Variants in YBEY observed in about 807,000 individuals in gnomAD.
The protein encoded by YBEY is ybeY metalloendoribonuclease, also known as endoribonuclease YbeY.
YBEY carries 15 observed loss-of-function variants against 13.5 expected under a neutral mutation model. The observed-to-expected ratio is 1.11, with a 90% CI of 0.75 to 1.72. YBEY has a LOEUF of 1.72. Ranked by LOEUF, YBEY falls within the 40% of genes most tolerant of loss-of-function variation. The pLI is 0.00. For missense variants in YBEY, 244 were observed against 208.4 expected (o/e 1.17, Z -1.05); for synonymous variants, 101 against 83.1 (o/e 1.21, Z -1.17).
At chr21:46,295,767 C>G (rs1030044470) in intron 3 of YBEY, among the ~76,000 whole-genome samples, 7 of 152,118 alleles carry the variant, frequency 4.6e-5, no homozygotes, top group Non-Finnish European at 7.4e-5. Context: ...GTGCGCTTGC[C>G]TCGTCCCTCT....
intron 3 of YBEY, chr21:46,292,212 T>C (rs1174642280): frequency 3.3e-5 from 5 of 152,280 alleles, no homozygotes; most frequent in South Asian, 4.1e-4. Flanking sequence ...GGTTGTACTA[T>C]TGACGTTATC....
the YBEY span, among the ~76,000 whole-genome samples, chr21:46,304,560 C>T: frequency 1.3e-5 from 2 of 151,780 alleles, no homozygotes; most frequent in Non-Finnish European, 2.9e-5. Flanking sequence ...GCAAATTAAA[C>T]CAGAATGAAC....
the YBEY span, among the ~76,000 whole-genome samples, chr21:46,311,975 C>A: frequency 7.7e-6 from 1 of 129,890 alleles, no homozygotes; most frequent in Non-Finnish European, 1.6e-5. Context: ...ACCCACCCAC[C>A]CATCCATCCA....
chr21:46,303,718 TA>T, the YBEY span, among the ~76,000 whole-genome samples: 2 of 19,512 alleles, frequency 1.0e-4, 1 homozygote, highest in Admixed American at 1.2e-3. Flanking sequence ...AATATATATA[TA>T]TATATATATA....
downstream of YBEY, chr21:46,300,540 G>A: frequency 1.5e-6 from 1 of 657,858 alleles, no homozygotes; most frequent in Non-Finnish European, 2.0e-6. Context: ...AGAGCACAGA[G>A]TCTCTGGAAT....
At chr21:46,286,844 G>A in intron 1 of YBEY, 26 bp from the exon 2 acceptor site, 1 of 1,410,480 alleles carries the variant, frequency 7.1e-7, no homozygotes. Flanking sequence ...TGTACTGATT[G>A]GTCTTCTCTT....
At chr21:46,305,327 C>CTT in the YBEY span, among the ~76,000 whole-genome samples, 534 of 109,148 alleles carry the variant, frequency 4.9e-3, 11 homozygotes, top group Middle Eastern at 0.015. Context: ...ACAAATTAAT[C>CTT]TTTTTTTTTT....
At chr21:46,287,993 G>A (rs773181855) in intron 2 of YBEY, among the ~76,000 whole-genome samples, 8 of 150,202 alleles carry the variant, frequency 5.3e-5, no homozygotes, top group Admixed American at 1.3e-4. Context: ...GCCTGGGCAA[G>A]AAGAGCGAAA....
intron 3 of YBEY, chr21:46,291,712 T>C: frequency 7.9e-7 from 1 of 1,267,190 alleles, no homozygotes; most frequent in African/African-American, 1.5e-5. Context: ...TCAGCTTTTA[T>C]CTCTGGAGTA....
At chr21:46,296,917 C>G (rs2081970715) in intron 4 of YBEY, among the ~76,000 whole-genome samples, 1 of 151,502 alleles carries the variant, frequency 6.6e-6, no homozygotes, top group African/African-American at 2.4e-5. Context: ...TCGCTTGAAC[C>G]CAGGAGGCGG....
At chr21:46,302,244 T>C (rs568629140), downstream of YBEY, 9 of 1,432,058 alleles carry the variant, frequency 6.3e-6, no homozygotes, top group South Asian at 1.5e-5. Flanking sequence ...CTGGATCCCA[T>C]GTGATAGGCA....
At chr21:46,302,647 T>C (rs1368177271), downstream of YBEY, 2 of 1,222,764 alleles carry the variant, frequency 1.6e-6, no homozygotes, top group African/African-American at 3.0e-5. Context: ...GATAGAGCAT[T>C]ATAGGACCAG....
chr21:46,304,158 C>G, the YBEY span, among the ~76,000 whole-genome samples: 7,394 of 148,900 alleles, frequency 0.05, 226 homozygotes, highest in Middle Eastern at 0.1. Context: ...TCCTGAGTAG[C>G]TGGGACTACA....
At chr21:46,296,451 C>G (rs1321598155) in intron 4 of YBEY, among the ~76,000 whole-genome samples, 1 of 152,194 alleles carries the variant, frequency 6.6e-6, no homozygotes, top group African/African-American at 2.4e-5. Context: ...GTGCAGAGGC[C>G]GAGAGCCACA....
chr21:46,297,385 C>T (rs559395546), intron 4 of YBEY, among the ~76,000 whole-genome samples, 154 bp from the exon 5 acceptor site: 3 of 10,080 alleles, frequency 3.0e-4, no homozygotes, highest in East Asian at 3.1e-3. Flanking sequence ...GTGAAGGTGC[C>T]CGGAGCCGGG....
the YBEY span, among the ~76,000 whole-genome samples, chr21:46,303,625 G>GAGA: frequency 7.2e-6 from 1 of 138,582 alleles, no homozygotes; most frequent in Non-Finnish European, 1.5e-5. Flanking sequence ...ACCGAGACAG[G>GAGA]AGAAGTCCTT....
the YBEY span, among the ~76,000 whole-genome samples, chr21:46,306,302 C>T: frequency 1.3e-5 from 2 of 151,968 alleles, no homozygotes; most frequent in African/African-American, 2.4e-5. Context: ...AGGTTCAAGA[C>T]CATCTGGCCA....
At chr21:46,298,402 A>C, downstream of YBEY, among the ~76,000 whole-genome samples, 1 of 150,798 alleles carries the variant, frequency 6.6e-6, no homozygotes, top group Non-Finnish European at 1.5e-5. Context: ...AGTACTCGTG[A>C]AAACAGAAAA....
chr21:46,302,077 G>A (rs1304709275), downstream of YBEY: 3 of 1,522,574 alleles, frequency 2.0e-6, no homozygotes, highest in Admixed American at 6.0e-5. Flanking sequence ...CAGCATGGTG[G>A]TGGTGGTGGT....
Sources: gnomAD v4.1 joint callset for allele counts (sites outside exome capture counted in the v4.1 genomes callset) on GRCh38, gnomAD v4.1.1 for gene constraint, MANE v1.5 for transcripts, NCBI Gene and HGNC (gene_info 2026-07-23, HGNC 2026-07-21) for gene names.